Variants in ONECUT1 observed in about 807,000 individuals in gnomAD.
ONECUT1 encodes the protein hepatocyte nuclear factor 6.
A neutral mutation model predicts 25.6 loss-of-function variants in ONECUT1; 12 were observed. The ratio of observed to expected loss-of-function variants is 0.47; its 90% CI spans 0.30 to 0.76. The LOEUF (loss-of-function observed/expected upper bound fraction) is 0.76. Among genes scored for constraint, ONECUT1 ranks in the 30% least tolerant of loss-of-function variants. ONECUT1 has a pLI of 0.07. For missense variants in ONECUT1, 620 were observed against 651.2 expected, an observed-to-expected ratio of 0.95 and a Z score of 0.52; for synonymous variants, 285 against 270.2, an observed-to-expected ratio of 1.05 and a Z score of -0.54.
At chr15:52,765,894 C>A (rs2083731379) in intron 1 of ONECUT1, among the ~76,000 whole-genome samples, 1 of 152,190 alleles carries the variant, frequency 6.6e-6, no homozygotes, top group Non-Finnish European at 1.5e-5. Context: ...CACGAGTGAG[C>A]TCTAATTGAT....
intron 1 of ONECUT1, among the ~76,000 whole-genome samples, chr15:52,770,562 C>T (rs1309127557): frequency 1.3e-5 from 2 of 152,208 alleles, no homozygotes; most frequent in Non-Finnish European, 2.9e-5. Flanking sequence ...AAGGTGTGGC[C>T]CAAATACATC....
rs1478748024 is a variant in ONECUT1, at chr15:52,756,513, G to T, written c.*1042C>A. On this transcript the variant is annotated 3_prime_UTR_variant, in exon 2 of 2. Transcript: ENST00000305901. ...GGTACTACTTTGGAAAGATCCTCAG[G>T]TTTTCTCAGCTAGGAACAGATTATG... Among the ~76,000 whole-genome samples, 1 of 152,072 alleles carries T rather than the reference G, an allele frequency of 6.6e-6. No individual in the cohort carries two copies. Among genetic ancestry groups the T allele is most frequent in the Non-Finnish European group, 1.5e-5 (1 of 67,996 alleles).
In ONECUT1 at chr15:52,755,458, A is replaced by G. The variant is rs1278242215; in HGVS notation, c.*2097T>C. 6.6e-6 allele frequency among the ~76,000 whole-genome samples: 1 copy of G among 152,228 alleles called. No homozygotes were observed. Among genetic ancestry groups the G allele is most frequent in the East Asian group, 1.9e-4 (1 of 5,204 alleles). On this transcript the variant is annotated 3_prime_UTR_variant, in exon 2 of 2. Coordinates refer to ENST00000305901, the MANE Select transcript of ONECUT1 (RefSeq NM_004498.4). ...TGAAATTAAAAACAAAAAACAAAAC[A>G]TGTCAAGGCAAATGAAGTATTTCAT...
At chr15:52,769,122 T>C (rs1408113576) in intron 1 of ONECUT1, among the ~76,000 whole-genome samples, 1 of 152,236 alleles carries the variant, frequency 6.6e-6, no homozygotes, top group African/African-American at 2.4e-5. Flanking sequence ...CCCTGTGCAA[T>C]GAAGGTCAAC....
intron 1 of ONECUT1, among the ~76,000 whole-genome samples, chr15:52,766,225 G>T (rs905673366): frequency 6.8e-6 from 1 of 148,142 alleles, no homozygotes; most frequent in Non-Finnish European, 1.5e-5. Context: ...GGTAGAAATA[G>T]GTATTCTTCC....
chr15:52,776,815 C>T (rs1183032134), intron 1 of ONECUT1, among the ~76,000 whole-genome samples: 1 of 152,202 alleles, frequency 6.6e-6, no homozygotes, highest in African/African-American at 2.4e-5. Context: ...ATAGGAGGCA[C>T]CCGATCAGTG....
intron 1 of ONECUT1, among the ~76,000 whole-genome samples, chr15:52,761,900 A>C (rs1258804605): frequency 6.6e-6 from 1 of 152,220 alleles, no homozygotes; most frequent in Non-Finnish European, 1.5e-5. Context: ...TCTATGGAAC[A>C]AATTGCATTG....
intron 1 of ONECUT1, among the ~76,000 whole-genome samples, chr15:52,779,360 C>CT (rs1319366855): frequency 4.6e-5 from 7 of 151,994 alleles, no homozygotes; most frequent in African/African-American, 1.7e-4. Context: ...AGTGCTGGGA[C>CT]TACAGGCGTG....
intron 1 of ONECUT1, among the ~76,000 whole-genome samples, chr15:52,759,491 C>G (rs191947795): frequency 6.6e-6 from 1 of 152,178 alleles, no homozygotes; most frequent in African/African-American, 2.4e-5. Flanking sequence ...AAACAATGTG[C>G]TACTTAGTAA....
At chr15:52,765,916 A>C (rs1173114749) in intron 1 of ONECUT1, among the ~76,000 whole-genome samples, 1 of 152,240 alleles carries the variant, frequency 6.6e-6, no homozygotes, top group Non-Finnish European at 1.5e-5. Flanking sequence ...CGGCCAAGGA[A>C]ATCCTTTGCA....
chr15:52,773,240 G>C (rs1566991190), intron 1 of ONECUT1, among the ~76,000 whole-genome samples: 1 of 114,840 alleles, frequency 8.7e-6, no homozygotes. Flanking sequence ...GACAGAGAGA[G>C]AGAAAGAGAG....
chr15:52,778,645 G>C (rs1035462414), intron 1 of ONECUT1, among the ~76,000 whole-genome samples: 2 of 152,304 alleles, frequency 1.3e-5, no homozygotes, highest in Non-Finnish European at 1.5e-5. Context: ...GCACTTTGGG[G>C]CCAGAAGGCA....
intron 1 of ONECUT1, among the ~76,000 whole-genome samples, chr15:52,775,206 T>G (rs1332841050): frequency 1.4e-5 from 2 of 146,168 alleles, no homozygotes; most frequent in Non-Finnish European, 3.0e-5. Context: ...AAAAAAGAGC[T>G]AGAATAAGCT....
At chr15:52,774,636 A>G (rs888913069) in intron 1 of ONECUT1, among the ~76,000 whole-genome samples, 2 of 152,248 alleles carry the variant, frequency 1.3e-5, no homozygotes, top group African/African-American at 4.8e-5. Flanking sequence ...AAATTAAAAC[A>G]TAAATTAAGA....
chr15:52,780,920 A>G (rs559644246), intron 1 of ONECUT1: 2 of 1,265,270 alleles, frequency 1.6e-6, no homozygotes, highest in Admixed American at 7.8e-5. Context: ...TGAGAAACAC[A>G]TGGTGACTGG....
chr15:52,775,973 T>G (rs2083797384), intron 1 of ONECUT1, among the ~76,000 whole-genome samples: 1 of 152,228 alleles, frequency 6.6e-6, no homozygotes, highest in African/African-American at 2.4e-5. Flanking sequence ...ACAGCAGGGA[T>G]GGATTTGGGC....
intron 1 of ONECUT1, chr15:52,786,010 G>T (rs1177977793): frequency 6.6e-6 from 1 of 152,192 alleles, no homozygotes; most frequent in Non-Finnish European, 1.5e-5. Context: ...CCCTGACCTC[G>T]CAAGGTGGTT....
At chr15:52,763,201 A>G (rs1284268844) in intron 1 of ONECUT1, among the ~76,000 whole-genome samples, 4 of 152,226 alleles carry the variant, frequency 2.6e-5, no homozygotes, top group Non-Finnish European at 5.9e-5. Flanking sequence ...AGTCACCTCC[A>G]TGAGGGTGGG....
intron 1 of ONECUT1, among the ~76,000 whole-genome samples, chr15:52,782,752 A>T (rs1282514062): frequency 6.6e-6 from 1 of 152,144 alleles, no homozygotes; most frequent in East Asian, 1.9e-4. Context: ...TTTAATGGGG[A>T]CTGAAAGGAA....
Sources: gnomAD v4.1 joint callset for allele counts (sites outside exome capture counted in the v4.1 genomes callset) on GRCh38, gnomAD v4.1.1 for gene constraint, MANE v1.5 for transcripts, NCBI Gene and HGNC (gene_info 2026-07-23, HGNC 2026-07-21) for gene names.